SKAP2: variants seen among roughly 807,000 people sequenced by gnomAD.
The protein encoded by SKAP2 is src kinase associated phosphoprotein 2.
A neutral mutation model predicts 54.9 loss-of-function variants in SKAP2; 28 were observed. The ratio of observed to expected loss-of-function variants is 0.51; its 90% CI spans 0.38 to 0.70. SKAP2 has a LOEUF of 0.70. Among genes scored for constraint, SKAP2 ranks in the 30% least tolerant of loss-of-function variants. The pLI, the probability that SKAP2 is intolerant of heterozygous loss-of-function variation, is 0.00. For missense variants in SKAP2, 356 were observed against 424.1 expected, an observed-to-expected ratio of 0.84 and a Z score of 1.41; for synonymous variants, 137 against 134.3, an observed-to-expected ratio of 1.02 and a Z score of -0.14.
At chr7:26,796,917 C>G (rs1584395045) in intron 4 of SKAP2, among the ~76,000 whole-genome samples, 1 of 151,656 alleles carries the variant, frequency 6.6e-6, no homozygotes, top group African/African-American at 2.4e-5. Flanking sequence ...CATGAGTCAA[C>G]TGTATATCCC....
chr7:26,813,779 T>C (rs1033179327), intron 4 of SKAP2, among the ~76,000 whole-genome samples: 3 of 152,188 alleles, frequency 2.0e-5, no homozygotes, highest in African/African-American at 7.2e-5. Context: ...CTACAAGAAA[T>C]TGATCAAACA....
chr7:26,862,535 A>T lies in SKAP2; in HGVS notation c.67+1828T>A, dbSNP rs181304942. ...AAATAGTGAAAATGTCAATAAAATG[A>T]CTTAAAATAATTTCAGATGCTATGC... is the stretch of plus-strand genomic sequence containing the variant. On this transcript the variant is annotated intron_variant, in intron 1 of 12. Transcript: ENST00000345317. 8.5e-5 allele frequency among the ~76,000 whole-genome samples: 13 copies of T among 152,218 alleles called. No individual in the cohort carries two copies. In the East Asian group the frequency reaches 2.3e-3, roughly 27 times the overall value.
chr7:26,700,430 G>A (rs557437697), intron 9 of SKAP2, among the ~76,000 whole-genome samples: 1 of 152,238 alleles, frequency 6.6e-6, no homozygotes. Flanking sequence ...ATCTGAAAAG[G>A]GATACCAGAT....
intron 9 of SKAP2, among the ~76,000 whole-genome samples, chr7:26,724,752 T>C (rs185546049): frequency 6.6e-6 from 1 of 152,300 alleles, no homozygotes; most frequent in East Asian, 1.9e-4. Context: ...ATTTCAGATG[T>C]CTTTTTATTT....
chr7:26,849,949 A>G (rs1045429620), intron 3 of SKAP2, among the ~76,000 whole-genome samples: 4 of 152,194 alleles, frequency 2.6e-5, no homozygotes, highest in African/African-American at 9.6e-5. Context: ...ACATCATTCT[A>G]TAAAGAAAGT....
At chr7:26,795,648 T>C (rs1042593429) in intron 4 of SKAP2, among the ~76,000 whole-genome samples, 1 of 152,226 alleles carries the variant, frequency 6.6e-6, no homozygotes, top group African/African-American at 2.4e-5. Flanking sequence ...CTATGTTATA[T>C]TTAGATTTAC....
chr7:26,768,832 G>A (rs1783120958), intron 4 of SKAP2, among the ~76,000 whole-genome samples: 1 of 152,200 alleles, frequency 6.6e-6, no homozygotes, highest in Admixed American at 6.5e-5. Flanking sequence ...TCCGCTGTTA[G>A]TCTGATGGGC....
At chr7:26,796,742 C>A (rs1195245443) in intron 4 of SKAP2, among the ~76,000 whole-genome samples, 1 of 152,270 alleles carries the variant, frequency 6.6e-6, no homozygotes, top group Middle Eastern at 3.4e-3. Context: ...TATAAGAATG[C>A]AGTATATAAT....
At chr7:26,796,017 A>C (rs1783770396) in intron 4 of SKAP2, among the ~76,000 whole-genome samples, 1 of 152,220 alleles carries the variant, frequency 6.6e-6, no homozygotes, top group Non-Finnish European at 1.5e-5. Flanking sequence ...TGGCCTAGAA[A>C]TATGGAAACA....
intron 6 of SKAP2, 130 bp from the exon 7 acceptor site, chr7:26,727,136 TTAGG>T (rs1412187248): frequency 3.3e-6 from 2 of 609,632 alleles, no homozygotes; most frequent in African/African-American, 1.9e-5. Context: ...AATATAATGC[TTAGG>T]TAATGTTTTT....
At chr7:26,688,073 G>A (rs1584331352) in intron 10 of SKAP2, among the ~76,000 whole-genome samples, 2 of 152,156 alleles carry the variant, frequency 1.3e-5, no homozygotes, top group East Asian at 3.9e-4. Flanking sequence ...CATACAAGAA[G>A]AGATCATTGG....
chr7:26,749,896 GATTACAAATA>G (rs1238572950), intron 4 of SKAP2, among the ~76,000 whole-genome samples: 1 of 151,302 alleles, frequency 6.6e-6, no homozygotes, highest in Non-Finnish European at 1.5e-5. Flanking sequence ...TCAGTGGCAT[GATTACAAATA>G]ACAGCACTGC....
chr7:26,782,799 T>A (rs540777759), intron 4 of SKAP2, among the ~76,000 whole-genome samples: 1 of 152,302 alleles, frequency 6.6e-6, no homozygotes, highest in South Asian at 2.1e-4. Context: ...AGCTGCCTGC[T>A]CTTCCACCAT....
intron 4 of SKAP2, among the ~76,000 whole-genome samples, chr7:26,803,841 A>G (rs1464557580): frequency 2.0e-5 from 3 of 152,224 alleles, no homozygotes; most frequent in Non-Finnish European, 4.4e-5. Context: ...ACTGGAAATC[A>G]TTATGTTAAG....
At chr7:26,757,596 G>A (rs895737401) in intron 4 of SKAP2, among the ~76,000 whole-genome samples, 22 of 152,278 alleles carry the variant, frequency 1.4e-4, no homozygotes, top group African/African-American at 4.8e-4. Context: ...ATAGTTTGAA[G>A]TCAGGTAGCG....
intron 4 of SKAP2, among the ~76,000 whole-genome samples, chr7:26,813,554 A>C (rs2127988620): frequency 6.6e-6 from 1 of 152,358 alleles, no homozygotes; most frequent in South Asian, 2.1e-4. Context: ...GTTGCTAAGA[A>C]GCAAATATGC....
At chr7:26,802,175 T>A (rs12535078) in intron 4 of SKAP2, among the ~76,000 whole-genome samples, 45,302 of 151,448 alleles carry the variant, frequency 0.3, 7,056 homozygotes, top group Middle Eastern at 0.37. Context: ...ATGGAACAGA[T>A]TAAAGAACAC....
At chr7:26,741,207 T>C (rs4722632) in intron 4 of SKAP2, among the ~76,000 whole-genome samples, 52,235 of 151,896 alleles carry the variant, frequency 0.34, 10,061 homozygotes, top group East Asian at 0.59. Flanking sequence ...TCAACAATAA[T>C]TTATTGTACA....
chr7:26,793,829 T>G (rs1783716442), intron 4 of SKAP2, among the ~76,000 whole-genome samples: 1 of 152,192 alleles, frequency 6.6e-6, no homozygotes. Context: ...TACAAATGAC[T>G]CAAGTTTTAC....
Sources: gnomAD v4.1 joint callset for allele counts (sites outside exome capture counted in the v4.1 genomes callset) on GRCh38, gnomAD v4.1.1 for gene constraint, MANE v1.5 for transcripts, NCBI Gene and HGNC (gene_info 2026-07-23, HGNC 2026-07-21) for gene names.